The following UBE2E2 variants were observed in gnomAD, a reference collection of about 807,000 sequenced individuals.
The protein encoded by UBE2E2 is ubiquitin conjugating enzyme E2 E2.
UBE2E2 carries 6 observed loss-of-function variants against 24.7 expected under a neutral mutation model. That is an observed-to-expected ratio of 0.24 (90% CI 0.13 to 0.48). The LOEUF (loss-of-function observed/expected upper bound fraction) is 0.48, where lower values mean the gene tolerates loss of function less well. Ranked by LOEUF, UBE2E2 falls within the 20% of genes least tolerant of loss-of-function variation. UBE2E2 has a pLI of 0.99. For synonymous variants in UBE2E2, 104 were observed against 83.6 expected (o/e 1.24, Z -1.33); for missense variants, 169 against 245.0 (o/e 0.69, Z 2.07).
At chr3:23,354,580 A>G (rs1432130304) in intron 3 of UBE2E2, among the ~76,000 whole-genome samples, 2 of 152,252 alleles carry the variant, frequency 1.3e-5, no homozygotes, top group Non-Finnish European at 2.9e-5. Flanking sequence ...ACATGAACAG[A>G]CACTTCTCAA....
chr3:23,462,059 A>G (rs930130898), intron 3 of UBE2E2, among the ~76,000 whole-genome samples: 1 of 152,186 alleles, frequency 6.6e-6, no homozygotes, highest in Non-Finnish European at 1.5e-5. Flanking sequence ...GAATTGTAGC[A>G]TATTTCTCAT....
intron 4 of UBE2E2, among the ~76,000 whole-genome samples, chr3:23,517,141 C>A (rs1694760865): frequency 6.6e-6 from 1 of 151,774 alleles, no homozygotes; most frequent in East Asian, 1.9e-4. Context: ...CCGAGACATC[C>A]CAGCTTTTTA....
At chr3:23,554,749 C>G (rs193039664) in intron 5 of UBE2E2, among the ~76,000 whole-genome samples, 49 of 152,168 alleles carry the variant, frequency 3.2e-4, no homozygotes, top group African/African-American at 1.1e-3. Flanking sequence ...TGCAAAACTT[C>G]TCCACAGCAA....
intron 3 of UBE2E2, among the ~76,000 whole-genome samples, chr3:23,291,843 C>G (rs538945891): frequency 2.3e-5 from 3 of 131,986 alleles, no homozygotes; most frequent in Non-Finnish European, 4.7e-5. Context: ...CCACCATGCC[C>G]GGCTAATTTT....
intron 3 of UBE2E2, among the ~76,000 whole-genome samples, chr3:23,313,621 A>G (rs924943943): frequency 4.0e-5 from 6 of 151,678 alleles, no homozygotes; most frequent in Admixed American, 1.3e-4. Context: ...TTGACCTTGT[A>G]ATCCACCCAC....
intron 3 of UBE2E2, among the ~76,000 whole-genome samples, chr3:23,450,547 T>C (rs973890452): frequency 6.6e-6 from 1 of 152,192 alleles, no homozygotes; most frequent in Non-Finnish European, 1.5e-5. Context: ...ACTAGAAATA[T>C]GATTCTTTAA....
At chr3:23,211,634 G>A (rs527813119) in intron 2 of UBE2E2, among the ~76,000 whole-genome samples, 9 of 151,986 alleles carry the variant, frequency 5.9e-5, no homozygotes, top group African/African-American at 1.9e-4. Context: ...GGTTGCAAGC[G>A]ATCCTCCTGC....
At chr3:23,258,366 T>C (rs917135575) in intron 3 of UBE2E2, among the ~76,000 whole-genome samples, 1 of 152,172 alleles carries the variant, frequency 6.6e-6, no homozygotes, top group African/African-American at 2.4e-5. Context: ...GTCATGTTAA[T>C]AGTGATAGTA....
chr3:23,405,352 A>C (rs1056669531), intron 3 of UBE2E2, among the ~76,000 whole-genome samples: 13 of 152,168 alleles, frequency 8.5e-5, no homozygotes, highest in South Asian at 8.3e-4. Context: ...ACAGTGCCTA[A>C]TGCTTTCATT....
At chr3:23,486,726 G>A (rs571951204) in intron 3 of UBE2E2, among the ~76,000 whole-genome samples, 14 of 152,314 alleles carry the variant, frequency 9.2e-5, no homozygotes, top group Admixed American at 2.0e-4. Flanking sequence ...CAGCAGGCAG[G>A]TTGTACCAAT....
At chr3:23,468,632 T>C (rs1303170054) in intron 3 of UBE2E2, among the ~76,000 whole-genome samples, 1 of 152,256 alleles carries the variant, frequency 6.6e-6, no homozygotes, top group African/African-American at 2.4e-5. Flanking sequence ...TCTACTTGCA[T>C]GACATTAGGC....
chr3:23,271,199 C>G (rs1465798562), intron 3 of UBE2E2: 2 of 393,866 alleles, frequency 5.1e-6, no homozygotes, highest in South Asian at 2.0e-5. Flanking sequence ...TCGCTGACTT[C>G]AAGAATGAAG....
intron 5 of UBE2E2, among the ~76,000 whole-genome samples, chr3:23,555,190 CA>C (rs1695749392): frequency 6.6e-6 from 1 of 152,162 alleles, no homozygotes; most frequent in Non-Finnish European, 1.5e-5. Context: ...GCTGGGATTA[CA>C]GGCATGAGCC....
chr3:23,393,480 G>GCCCTGGATTTATAGAGTCAGAAA (rs1424857412), intron 3 of UBE2E2, among the ~76,000 whole-genome samples: 2 of 152,160 alleles, frequency 1.3e-5, no homozygotes, highest in Non-Finnish European at 2.9e-5. Context: ...ATCAGGTCCT[G>GCCCTGGATTTATAGAGTCAGAAA]CCCTGGATTT....
At chr3:23,504,061 T>C (rs377018101) in intron 4 of UBE2E2, among the ~76,000 whole-genome samples, 1 of 152,312 alleles carries the variant, frequency 6.6e-6, no homozygotes, top group African/African-American at 2.4e-5. Context: ...CATTTAGGTA[T>C]ATCTGTTTTA....
intron 3 of UBE2E2, among the ~76,000 whole-genome samples, chr3:23,240,567 A>G: frequency 6.6e-6 from 1 of 152,238 alleles, no homozygotes; most frequent in African/African-American, 2.4e-5. Context: ...ACACAGCCAC[A>G]CTGTTTATGC....
chr3:23,264,350 A>T (rs1168680124), intron 3 of UBE2E2, among the ~76,000 whole-genome samples: 2 of 152,068 alleles, frequency 1.3e-5, no homozygotes, highest in African/African-American at 4.8e-5. Flanking sequence ...AATAAAAAAT[A>T]AAAAACAAAA....
At chr3:23,518,443 A>T (rs1202581883) in intron 4 of UBE2E2, among the ~76,000 whole-genome samples, 2 of 152,234 alleles carry the variant, frequency 1.3e-5, no homozygotes, top group Non-Finnish European at 2.9e-5. Context: ...TAATTCTTGA[A>T]TGCTTGCCAC....
intron 3 of UBE2E2, among the ~76,000 whole-genome samples, chr3:23,327,004 C>G (rs1205950811): frequency 1.3e-5 from 2 of 152,212 alleles, no homozygotes; most frequent in African/African-American, 2.4e-5. Flanking sequence ...GACATGAACT[C>G]ATCCTTTTTT....
Sources: allele counts gnomAD v4.1 joint callset (sites outside exome capture counted in the v4.1 genomes callset), GRCh38; gene constraint gnomAD v4.1.1; transcripts MANE v1.5; gene names NCBI Gene and HGNC (gene_info 2026-07-23, HGNC 2026-07-21).